The following SLC16A1 variants were observed in gnomAD, a reference collection of about 807,000 sequenced individuals.
SLC16A1 encodes solute carrier family 16 member 1, also known as monocarboxylate transporter 1.
In SLC16A1, 11 loss-of-function variants were observed where a neutral mutation model predicts 32.2. The ratio of observed to expected loss-of-function variants is 0.34; its 90% CI spans 0.21 to 0.56. The LOEUF is 0.56. Among genes scored for constraint, SLC16A1 ranks in the 20% least tolerant of loss-of-function variants. The pLI is 0.87. For missense variants in SLC16A1, 435 were observed against 615.0 expected, an observed-to-expected ratio of 0.71 and a Z score of 3.10; for synonymous variants, 231 against 226.8, an observed-to-expected ratio of 1.02 and a Z score of -0.17.
intron 1 of SLC16A1, among the ~76,000 whole-genome samples, chr1:112,939,479 C>A (rs1448722554): frequency 6.6e-6 from 1 of 152,130 alleles, no homozygotes; most frequent in Non-Finnish European, 1.5e-5. Context: ...ATGGAAGCAA[C>A]CTAAATGTCC....
intron 3 of SLC16A1, among the ~76,000 whole-genome samples, chr1:112,919,565 A>G (rs557674420): frequency 1.7e-4 from 26 of 152,364 alleles, no homozygotes; most frequent in African/African-American, 6.0e-4. Context: ...AAAATTCGTC[A>G]GTGAAAGTGC....
intron 1 of SLC16A1, among the ~76,000 whole-genome samples, chr1:112,939,123 C>T (rs911892278): frequency 6.6e-5 from 10 of 151,858 alleles, no homozygotes; most frequent in African/African-American, 2.4e-4. Flanking sequence ...GAACTCCTGA[C>T]CTCGTGATCC....
rs776906225 is a variant in SLC16A1, at chr1:112,917,856, A to C, written c.550T>G (p.Leu184Val). 6 of 1,612,736 alleles carry C rather than the reference A, an allele frequency of 3.7e-6. No individual in the cohort carries two copies. The South Asian group carries it at 5.5e-5, about 15-fold the overall frequency. The change falls in exon 4 of 5, where the codon TTG becomes GTG. Residue 184 changes from leucine to valine, a missense_variant. Leu to Val is a conservative substitution (Grantham distance 32). This residue lies in a region of SLC16A1 where 324 missense variants were observed against 500.3 expected (regional missense o/e 0.65). Coordinates refer to ENST00000369626, the MANE Select transcript of SLC16A1 (RefSeq NM_003051.4). This position sits in a 1 kb window ranked among gnomAD's most constrained non-coding sequence, Gnocchi z 4.1. Reference protein sequence around the residue: ...WRGSFLILGGLLLNCCVAGAL... With the variant: ...WRGSFLILGGVLLNCCVAGAL... ...CCAGCAACACAGCAGTTTAGTAGCA[A>C]GCCCCCAAGAATTAGAAAGCTTCCT...
intron 1 of SLC16A1, among the ~76,000 whole-genome samples, chr1:112,947,268 A>C (rs1451470779): frequency 2.6e-5 from 4 of 152,246 alleles, no homozygotes; most frequent in African/African-American, 9.6e-5. Context: ...ACCCTGTTCC[A>C]GAATTTGAAG....
intron 1 of SLC16A1, among the ~76,000 whole-genome samples, chr1:112,929,855 CATAA>C (rs1429089643): frequency 6.6e-5 from 10 of 152,062 alleles, no homozygotes; most frequent in African/African-American, 2.2e-4. Context: ...TCAGTAAATA[CATAA>C]ATAAATTGGT....
chr1:112,948,894 G>C (rs1167924747), intron 1 of SLC16A1, among the ~76,000 whole-genome samples: 1 of 152,024 alleles, frequency 6.6e-6, no homozygotes. Context: ...GCAGTGGCGT[G>C]ATCTCCGTTC....
intron 2 of SLC16A1, among the ~76,000 whole-genome samples, chr1:112,927,155 A>G (rs1431636577): frequency 1.3e-5 from 2 of 151,072 alleles, no homozygotes; most frequent in East Asian, 1.9e-4. Flanking sequence ...CAAAACAAAG[A>G]TCAGTATCAC....
intron 2 of SLC16A1, among the ~76,000 whole-genome samples, chr1:112,927,051 C>T (rs1648966108): frequency 1.4e-5 from 2 of 148,122 alleles, no homozygotes; most frequent in South Asian, 4.3e-4. Flanking sequence ...GTTTGAGCCT[C>T]GGTGGCTGAG....
intron 1 of SLC16A1, chr1:112,955,610 T>C (rs1474649275): frequency 6.6e-6 from 1 of 152,052 alleles, no homozygotes; most frequent in Admixed American, 6.6e-5. Flanking sequence ...CTGCCCCGAG[T>C]CCCTTCCCTT....
chr1:112,933,214 A>T (rs1397303893), intron 1 of SLC16A1, among the ~76,000 whole-genome samples: 1 of 152,172 alleles, frequency 6.6e-6, no homozygotes, highest in East Asian at 1.9e-4. Flanking sequence ...TCACGCCTGT[A>T]ATCCCAGCAC....
intron 2 of SLC16A1, chr1:112,923,717 G>C: frequency 1.3e-6 from 2 of 1,537,672 alleles, no homozygotes; most frequent in Non-Finnish European, 1.8e-6. Flanking sequence ...CGGTGGAAGA[G>C]ACACTGAGTG....
intron 1 of SLC16A1, among the ~76,000 whole-genome samples, chr1:112,945,653 C>T (rs1202251556): frequency 2.8e-5 from 4 of 142,146 alleles, no homozygotes; most frequent in Admixed American, 7.4e-5. Flanking sequence ...CCAGCCTGGG[C>T]GATGGAGCAA....
At position 112,911,955 on chromosome 1, in the gene SLC16A1, C is replaced by G. The variant is rs936029742; in HGVS notation, c.*1936G>C. The G allele has an allele frequency of 6.6e-6, 1 of 152,218 alleles. No individual in the cohort carries two copies. The highest frequency in any genetic ancestry group is 2.4e-5 in the African/African-American group (1 of 41,456). The allele number at this position is 152,218 out of a possible 1,614,324, so 9.4% of individuals were successfully genotyped here. Reference sequence around the variant, plus strand: ...TAGAAGGTAAGAGAGAAGAAGTACGCAGAGGTTACAGACTTGGGTCCAAAG... The same window carrying G: ...TAGAAGGTAAGAGAGAAGAAGTACGGAGAGGTTACAGACTTGGGTCCAAAG... On this transcript the variant is annotated 3_prime_UTR_variant, in exon 5 of 5. Coordinates refer to ENST00000369626, the MANE Select transcript of SLC16A1 (RefSeq NM_003051.4).
chr1:112,931,782 A>G (rs1649139502), intron 1 of SLC16A1, among the ~76,000 whole-genome samples: 1 of 152,038 alleles, frequency 6.6e-6, no homozygotes, highest in Non-Finnish European at 1.5e-5. Context: ...TAAGATTTTA[A>G]TAAGGGGCAG....
chr1:112,952,082 C>T (rs923978831), intron 1 of SLC16A1, among the ~76,000 whole-genome samples: 1 of 152,124 alleles, frequency 6.6e-6, no homozygotes, highest in Non-Finnish European at 1.5e-5. Context: ...CACTCCCACT[C>T]GGAAATCAAA....
At chr1:112,951,452 T>C (rs948810473) in intron 1 of SLC16A1, among the ~76,000 whole-genome samples, 2 of 152,164 alleles carry the variant, frequency 1.3e-5, no homozygotes, top group African/African-American at 2.4e-5. Context: ...AAGTGACATA[T>C]TAAGTTCAAA....
chr1:112,931,905 T>C lies in SLC16A1; in HGVS notation c.-44-2553A>G, dbSNP rs561568473. Among the ~76,000 whole-genome samples the C allele has an allele frequency of 1.2e-4, 19 of 152,276 alleles. No homozygotes were observed. In the South Asian group the frequency reaches 1.9e-3, roughly 15 times the overall value. On this transcript the variant is annotated intron_variant, in intron 1 of 4. Coordinates refer to ENST00000369626, the MANE Select transcript of SLC16A1 (RefSeq NM_003051.4). The stretch of plus-strand genomic sequence containing the variant: ...TATCCTGTATGTTAGCAGGTCCATT[T>C]CAAAGTACTTCCACTCAGACTATAT...
chr1:112,925,227 T>C (rs1570627326), intron 2 of SLC16A1, among the ~76,000 whole-genome samples: 1 of 152,192 alleles, frequency 6.6e-6, no homozygotes, highest in Admixed American at 6.5e-5. Context: ...TGGAGTGCAG[T>C]AGCGCAATCA....
chr1:112,924,397 C>A, intron 2 of SLC16A1: 1 of 1,119,590 alleles, frequency 8.9e-7, no homozygotes, highest in Non-Finnish European at 1.4e-6. Context: ...TTTTGTTTCT[C>A]ACACTTTCTT....
Sources: allele counts gnomAD v4.1 joint callset (sites outside exome capture counted in the v4.1 genomes callset), GRCh38; gene constraint gnomAD v4.1.1; regional missense constraint gnomAD v4.1.1; non-coding constraint Gnocchi (gnomAD v3.1); transcripts MANE v1.5; gene names NCBI Gene and HGNC (gene_info 2026-07-23, HGNC 2026-07-21).